The following ABCA1 variants were observed in gnomAD, a reference collection of about 807,000 sequenced individuals.
ABCA1 encodes phospholipid-transporting ATPase ABCA1.
Under a neutral mutation model 262.5 loss-of-function variants are expected in ABCA1, and 133 were observed. The ratio of observed to expected loss-of-function variants is 0.51; its 90% CI spans 0.44 to 0.59. The LOEUF is 0.59. Among genes scored for constraint, ABCA1 ranks in the 20% least tolerant of loss-of-function variants. The pLI, the probability that ABCA1 is intolerant of heterozygous loss-of-function variation, is 0.00. For missense variants in ABCA1, 2,452 were observed against 2,777.5 expected (o/e 0.88, Z 2.63); for synonymous variants, 1,022 against 1,043.5 (o/e 0.98, Z 0.40).
At chr9:104,860,637 G>T (rs746884136) in intron 6 of ABCA1, among the ~76,000 whole-genome samples, 9 of 151,978 alleles carry the variant, frequency 5.9e-5, no homozygotes, top group Non-Finnish European at 8.8e-5. Flanking sequence ...TGCAAGCTGG[G>T]TCTGGTGCTA....
chr9:104,803,897 G>A (rs774505383), intron 32 of ABCA1, among the ~76,000 whole-genome samples: 2 of 152,234 alleles, frequency 1.3e-5, no homozygotes, highest in South Asian at 2.1e-4. Flanking sequence ...ATGAGCCACC[G>A]TGCCTGGCCT....
intron 2 of ABCA1, among the ~76,000 whole-genome samples, chr9:104,890,695 T>C (rs942093166): frequency 1.3e-4 from 20 of 151,564 alleles, no homozygotes; most frequent in Admixed American, 5.3e-4. Context: ...AACTCTTGGG[T>C]TCAAGTGATC....
intron 1 of ABCA1, among the ~76,000 whole-genome samples, chr9:104,926,884 T>C (rs1225680888): frequency 6.6e-6 from 1 of 152,054 alleles, no homozygotes; most frequent in Non-Finnish European, 1.5e-5. Context: ...CACCTCCGGG[T>C]CTCCGCAGGC....
chr9:104,859,130 T>G (rs1297308717), intron 6 of ABCA1, among the ~76,000 whole-genome samples: 1 of 152,220 alleles, frequency 6.6e-6, no homozygotes, highest in East Asian at 1.9e-4. Flanking sequence ...GAGAAAGCAT[T>G]TATGCTATTT....
intron 26 of ABCA1, 96 bp from the exon 27 acceptor site, chr9:104,814,327 G>GAA: frequency 1.3e-6 from 2 of 1,553,034 alleles, no homozygotes; most frequent in South Asian, 1.1e-5. Flanking sequence ...AAATGAGAAT[G>GAA]CAATAGAACA....
At position 104,785,591 on chromosome 9, in the gene ABCA1, C is replaced by T. The variant is rs61741359; in HGVS notation, c.6450G>A (p.Pro2150=). The change falls in exon 49 of 50, where the codon CCG becomes CCA. Residue 2150 remains proline, a synonymous_variant. Transcript: ENST00000374736. ...AGAAATCCTGGACAGGCTTCAGGTC[C>T]GGGTTGGACCCTGCTATTCGTACAA... The part of the protein sequence containing the change: ...TIVVRIAGSN[P]DLKPVQDFFG... 3,226 of 1,614,088 alleles carry T rather than the reference C, an allele frequency of 2.0e-3. 46 individuals carry two copies. In the African/African-American group the frequency reaches 0.038, roughly 19 times the overall value.
rs183138020 is a variant in ABCA1 at position 104,909,424 on chromosome 9, G to T, written c.-92-5653C>A. ...GAGTAAGGGGACAGAGAGTAACGGG[G>T]TGGAAGTTATTCCTTTCTGATGAAG... On this transcript the variant is annotated intron_variant, in intron 1 of 49. Coordinates refer to ENST00000374736, the MANE Select transcript of ABCA1 (RefSeq NM_005502.4). 2.6e-3 allele frequency among the ~76,000 whole-genome samples: 401 copies of T among 152,300 alleles called. 3 individuals are homozygous for T. The highest frequency in any genetic ancestry group is 0.013 in the South Asian group (65 of 4,822).
chr9:104,837,415 G>A lies in ABCA1; in HGVS notation c.1194+13C>T. On this transcript the variant is annotated intron_variant, in intron 10 of 49. Transcript: ENST00000374736. ...GATTCTGGGGAGGGAGTCTTGGGCTGGGGGCAGCTTACCTCAGCCATGACC... is the reference window on the plus strand; with the variant it reads ...GATTCTGGGGAGGGAGTCTTGGGCTAGGGGCAGCTTACCTCAGCCATGACC... The A allele has an allele frequency of 6.2e-7, 1 of 1,613,870 alleles. No individual in the cohort carries two copies.
At chr9:104,862,891 T>C (rs376780272) in intron 5 of ABCA1, among the ~76,000 whole-genome samples, 1 of 150,762 alleles carries the variant, frequency 6.6e-6, no homozygotes, top group African/African-American at 2.4e-5. Flanking sequence ...TTCACAGACA[T>C]GGTCTCATTT....
At chr9:104,841,366 G>T (rs1055063987) in intron 8 of ABCA1, among the ~76,000 whole-genome samples, 11 of 152,132 alleles carry the variant, frequency 7.2e-5, no homozygotes, top group South Asian at 4.2e-4. Context: ...CTTGAACCCG[G>T]GAGGCAGAGG....
intron 3 of ABCA1, among the ~76,000 whole-genome samples, chr9:104,887,851 C>T (rs1407839885): frequency 6.6e-6 from 1 of 151,644 alleles, no homozygotes; most frequent in East Asian, 1.9e-4. Context: ...CTCAGCCTCC[C>T]CAGTAGCTGG....
At chr9:104,843,024 C>G (rs1307084163) in intron 8 of ABCA1, among the ~76,000 whole-genome samples, 1 of 152,160 alleles carries the variant, frequency 6.6e-6, no homozygotes. Context: ...GAGTTTCCTT[C>G]CCTCACCACA....
chr9:104,890,044 G>A (rs1221933844), intron 2 of ABCA1, among the ~76,000 whole-genome samples: 2 of 152,190 alleles, frequency 1.3e-5, no homozygotes, highest in Admixed American at 6.5e-5. Context: ...GAAATCACTA[G>A]ACACAATATA....
chr9:104,920,860 T>C (rs775957402), intron 1 of ABCA1, among the ~76,000 whole-genome samples: 1 of 152,184 alleles, frequency 6.6e-6, no homozygotes, highest in Admixed American at 6.5e-5. Flanking sequence ...TAAATTTCAC[T>C]ATAGGCCAAG....
intron 1 of ABCA1, among the ~76,000 whole-genome samples, chr9:104,923,544 T>C (rs919464392): frequency 6.6e-6 from 1 of 152,172 alleles, no homozygotes; most frequent in African/African-American, 2.4e-5. Flanking sequence ...TTATAGCAGA[T>C]GAATGTAGAG....
intron 2 of ABCA1, among the ~76,000 whole-genome samples, chr9:104,903,225 G>A (rs1840810586): frequency 6.6e-6 from 1 of 152,142 alleles, no homozygotes; most frequent in Non-Finnish European, 1.5e-5. Context: ...CTAAGAGTGG[G>A]GCCACTAACT....
intron 5 of ABCA1, among the ~76,000 whole-genome samples, chr9:104,866,724 G>A (rs980885936): frequency 1.3e-5 from 2 of 152,128 alleles, no homozygotes; most frequent in African/African-American, 4.8e-5. Flanking sequence ...CTGACCTCAG[G>A]TGATCCACTC....
chr9:104,846,455 T>C (rs1834894736), intron 7 of ABCA1, among the ~76,000 whole-genome samples: 1 of 152,222 alleles, frequency 6.6e-6, no homozygotes, highest in Non-Finnish European at 1.5e-5. Flanking sequence ...TTAGAGAAGG[T>C]TGGGCTATTT....
chr9:104,884,086 T>C (rs879879825), intron 4 of ABCA1, among the ~76,000 whole-genome samples: 3 of 152,324 alleles, frequency 2.0e-5, no homozygotes, highest in Non-Finnish European at 4.4e-5. Context: ...GCATGCATCT[T>C]TGTGCCAGCC....
Sources: allele counts gnomAD v4.1 joint callset (sites outside exome capture counted in the v4.1 genomes callset), GRCh38; gene constraint gnomAD v4.1.1; transcripts MANE v1.5; gene names NCBI Gene and HGNC (gene_info 2026-07-23, HGNC 2026-07-21).